The following TCERG1L variants were observed in gnomAD, a reference collection of about 807,000 sequenced individuals.
TCERG1L encodes the protein transcription elongation regulator 1 like, also known as transcription elongation regulator 1-like protein.
Under a neutral mutation model 56.3 loss-of-function variants are expected in TCERG1L, and 37 were observed. That is an observed-to-expected ratio of 0.66 (90% CI 0.51 to 0.87). The LOEUF is 0.87. Ranked by LOEUF, TCERG1L falls within the 40% of genes least tolerant of loss-of-function variation. The pLI, the probability that TCERG1L is intolerant of heterozygous loss-of-function variation, is 0.00. For synonymous variants in TCERG1L, 324 were observed against 326.3 expected (o/e 0.99, Z 0.08); for missense variants, 799 against 774.2 (o/e 1.03, Z -0.38).
chr10:131,291,401 CTTTTTTTTTTTTTTTTTTTTTTTTTT>C (rs71009957), intron 3 of TCERG1L, among the ~76,000 whole-genome samples: 21 of 36,596 alleles, frequency 5.7e-4, no homozygotes, highest in East Asian at 3.3e-3. Flanking sequence ...AACAGCATTT[CTTTTTTTTTTTTTTTTTTTTTTTTTT>C]TTTTTTTTTT....
intron 3 of TCERG1L, among the ~76,000 whole-genome samples, chr10:131,276,653 A>T (rs894064678): frequency 3.3e-5 from 5 of 152,162 alleles, no homozygotes; most frequent in African/African-American, 1.2e-4. Flanking sequence ...TGCTGAGTCT[A>T]TCTTGGTTAT....
At chr10:131,152,789 G>T (rs1384287814) in intron 6 of TCERG1L, among the ~76,000 whole-genome samples, 1 of 152,128 alleles carries the variant, frequency 6.6e-6, no homozygotes, top group Non-Finnish European at 1.5e-5. Flanking sequence ...CACATGGCTG[G>T]GGAGGCCTCA....
At chr10:131,129,164 C>A (rs866656740) in intron 8 of TCERG1L, among the ~76,000 whole-genome samples, 1 of 151,942 alleles carries the variant, frequency 6.6e-6, no homozygotes, top group Non-Finnish European at 1.5e-5. Context: ...GAGGGCAATA[C>A]CTGAAACTGA....
At chr10:131,270,782 G>A (rs1057306567) in intron 3 of TCERG1L, among the ~76,000 whole-genome samples, 3 of 152,174 alleles carry the variant, frequency 2.0e-5, no homozygotes, top group African/African-American at 7.2e-5. Context: ...TGTGTCGTGG[G>A]AGATATCAGG....
intron 8 of TCERG1L, among the ~76,000 whole-genome samples, chr10:131,130,011 C>T (rs1430781583): frequency 1.3e-5 from 2 of 151,874 alleles, no homozygotes; most frequent in African/African-American, 2.4e-5. Flanking sequence ...ATCCAATCGC[C>T]TCCCACAAGT....
At chr10:131,294,504 A>T (rs1277795226) in intron 3 of TCERG1L, among the ~76,000 whole-genome samples, 1 of 152,186 alleles carries the variant, frequency 6.6e-6, no homozygotes, top group Admixed American at 6.5e-5. Context: ...AGCTGTCCTC[A>T]ACCTTGGCCC....
intron 11 of TCERG1L, among the ~76,000 whole-genome samples, chr10:131,097,077 G>T (rs1201409246): frequency 6.6e-6 from 1 of 151,250 alleles, no homozygotes; most frequent in East Asian, 2.0e-4. Context: ...GTGGGTGCCT[G>T]TTATCCCAGC....
At chr10:131,221,784 A>G (rs2944496) in intron 4 of TCERG1L, among the ~76,000 whole-genome samples, 45,039 of 152,114 alleles carry the variant, frequency 0.3, 7,806 homozygotes, top group African/African-American at 0.47. Context: ...GCTTTTCTGC[A>G]GTGTGAAAAT....
Position 131,311,164 on chromosome 10 carries a change from A to G in TCERG1L, c.342+130T>C. The G allele has an allele frequency of 1.5e-6, 1 of 689,388 alleles. No homozygotes were observed. The highest frequency in any genetic ancestry group is 1.9e-6 in the Non-Finnish European group (1 of 513,608). The allele number at this position is 689,388 out of a possible 1,614,324, so 42.7% of individuals were successfully genotyped here. A position where few individuals can be genotyped will look rare whatever the true frequency, so the allele number is the denominator to read the frequency against. On this transcript the variant is annotated intron_variant, in intron 1 of 11. Coordinates refer to ENST00000368642, the MANE Select transcript of TCERG1L (RefSeq NM_174937.4). The surrounding 1 kb of genome is among the most constrained non-coding windows in gnomAD (Gnocchi z 4.0). ...GGCACGGCTGCCGGGCTCCGTCCTG[A>G]GGGTTTGGGGCGGCGAGGACCGCCG...
intron 3 of TCERG1L, among the ~76,000 whole-genome samples, chr10:131,274,813 G>C (rs747524196): frequency 2.4e-4 from 36 of 152,122 alleles, no homozygotes; most frequent in Non-Finnish European, 2.9e-4. Flanking sequence ...TCACCGCTTC[G>C]CTTAGCAGCT....
At chr10:131,249,118 C>A (rs1846076261) in intron 4 of TCERG1L, among the ~76,000 whole-genome samples, 1 of 152,248 alleles carries the variant, frequency 6.6e-6, no homozygotes, top group South Asian at 2.1e-4. Flanking sequence ...AGCAGGGACT[C>A]AGCAAAAGTG....
At chr10:131,229,434 T>C (rs1309278225) in intron 4 of TCERG1L, among the ~76,000 whole-genome samples, 1 of 152,262 alleles carries the variant, frequency 6.6e-6, no homozygotes, top group Non-Finnish European at 1.5e-5. Context: ...GCAGGTTTTA[T>C]GCTTCCTGCC....
chr10:131,246,798 A>G (rs1329571839), intron 4 of TCERG1L, among the ~76,000 whole-genome samples: 1 of 152,204 alleles, frequency 6.6e-6, no homozygotes, highest in African/African-American at 2.4e-5. Context: ...ACGGCCTCCC[A>G]GCCACACACC....
intron 4 of TCERG1L, among the ~76,000 whole-genome samples, chr10:131,207,789 C>T (rs1845558216): frequency 6.6e-6 from 1 of 152,162 alleles, no homozygotes; most frequent in Admixed American, 6.5e-5. Context: ...TCGGGCTTCC[C>T]ATCAGCCTTG....
At chr10:131,255,318 G>A (rs1289168195) in intron 4 of TCERG1L, among the ~76,000 whole-genome samples, 1 of 152,242 alleles carries the variant, frequency 6.6e-6, no homozygotes, top group Non-Finnish European at 1.5e-5. Context: ...GAGTGAAAAG[G>A]CCATCGCAGA....
chr10:131,245,365 G>GA, intron 4 of TCERG1L, among the ~76,000 whole-genome samples: 1 of 152,222 alleles, frequency 6.6e-6, no homozygotes, highest in Non-Finnish European at 1.5e-5. Context: ...TTATTTCTGG[G>GA]AATAACAGCC....
intron 7 of TCERG1L, among the ~76,000 whole-genome samples, chr10:131,142,345 G>A (rs985064492): frequency 2.0e-5 from 3 of 152,224 alleles, no homozygotes; most frequent in African/African-American, 7.2e-5. Context: ...TGCCCCGGCT[G>A]CCTGGGCCCC....
intron 4 of TCERG1L, among the ~76,000 whole-genome samples, chr10:131,189,514 A>T (rs1172536852): frequency 6.6e-6 from 1 of 152,100 alleles, no homozygotes; most frequent in African/African-American, 2.4e-5. Flanking sequence ...TGATTTTATT[A>T]TTTTTTATGG....
intron 11 of TCERG1L, 53 bp from the exon 12 acceptor site, chr10:131,093,371 C>G: frequency 6.3e-7 from 1 of 1,586,542 alleles, no homozygotes; most frequent in Non-Finnish European, 8.6e-7. Context: ...CTCTGGCCTC[C>G]CCAGAGATCC....
Sources: gnomAD v4.1 joint callset for allele counts (sites outside exome capture counted in the v4.1 genomes callset) on GRCh38, gnomAD v4.1.1 for gene constraint, Gnocchi (gnomAD v3.1) non-coding constraint, MANE v1.5 for transcripts, NCBI Gene and HGNC (gene_info 2026-07-23, HGNC 2026-07-21) for gene names.